The following MAP4 variants were observed in gnomAD, a reference collection of about 807,000 sequenced individuals.
MAP4 encodes microtubule-associated protein 4.
MAP4 carries 76 observed loss-of-function variants against 170.2 expected under a neutral mutation model. That is an observed-to-expected ratio of 0.45 (90% CI 0.37 to 0.54). The LOEUF is 0.54. MAP4 is among the 20% of genes least tolerant of loss of function. MAP4 has a pLI of 0.00. For missense variants in MAP4, 2,506 were observed against 2,748.0 expected (o/e 0.91, Z 1.97); for synonymous variants, 909 against 994.5 (o/e 0.91, Z 1.62).
intron 1 of MAP4, among the ~76,000 whole-genome samples, chr3:48,045,502 A>G (rs895744350): frequency 2.6e-5 from 4 of 152,088 alleles, no homozygotes; most frequent in Non-Finnish European, 5.9e-5. Flanking sequence ...TGAGAATCCA[A>G]TGCCTGATGA....
At position 47,927,855 on chromosome 3, in the gene MAP4, GT is replaced by G. The variant is rs369620120; in HGVS notation, c.415+372del. ...GGATACATATATTTGGCAGAGTTAG[GT>G]AAGAAATACCGATAATGTGTATATA... On this transcript the variant is annotated intron_variant, in intron 4 of 20. Transcript: ENST00000683076. Among the ~76,000 whole-genome samples the G allele has an allele frequency of 1.0e-3, 152 of 152,256 alleles. No homozygotes were observed. The South Asian group carries it at 0.029, about 29-fold the overall frequency.
intron 5 of MAP4, among the ~76,000 whole-genome samples, 197 bp downstream of exon 5, chr3:47,921,568 G>C (rs2100042884): frequency 6.6e-6 from 1 of 152,092 alleles, no homozygotes; most frequent in African/African-American, 2.4e-5. Flanking sequence ...ATATAAGGTG[G>C]AATTCTAAAG....
chr3:48,050,089 G>A lies in MAP4; in HGVS notation c.-20+38684C>T, dbSNP rs1393608733. On this transcript the variant is annotated intron_variant, in intron 1 of 18. Transcript: ENST00000360240. ...AGCCTGGCCAACATGGTGAAACCCC[G>A]TCTCTACTAAAAATACAAAAAGTAG... is the stretch of plus-strand genomic sequence containing the variant. Among the ~76,000 whole-genome samples, 17 of 150,762 alleles carry A rather than the reference G, an allele frequency of 1.1e-4. No homozygotes were observed. The East Asian group carries it at 1.6e-3, about 14-fold the overall frequency.
At chr3:48,014,294 C>T (rs1049164222) in intron 1 of MAP4, among the ~76,000 whole-genome samples, 2 of 152,172 alleles carry the variant, frequency 1.3e-5, no homozygotes, top group Admixed American at 6.5e-5. Flanking sequence ...AGGTCATTCG[C>T]ATCTAGAGCC....
At chr3:48,046,863 G>A (rs2100124825) in intron 1 of MAP4, among the ~76,000 whole-genome samples, 1 of 152,156 alleles carries the variant, frequency 6.6e-6, no homozygotes, top group Non-Finnish European at 1.5e-5. Context: ...GGGAGGCTGA[G>A]GCGGGTGGAT....
intron 1 of MAP4, among the ~76,000 whole-genome samples, chr3:48,059,881 G>A (rs2100134299): frequency 6.6e-6 from 1 of 151,856 alleles, no homozygotes; most frequent in Non-Finnish European, 1.5e-5. Context: ...TCAGGAGGCT[G>A]AGGCAGGAGA....
intron 1 of MAP4, among the ~76,000 whole-genome samples, chr3:48,079,979 T>C (rs2100145810): frequency 6.6e-6 from 1 of 152,014 alleles, no homozygotes; most frequent in African/African-American, 2.4e-5. Flanking sequence ...TAAATAAATT[T>C]GTTGTAACTT....
chr3:48,011,317 C>A (rs2100105123), intron 1 of MAP4, among the ~76,000 whole-genome samples: 1 of 152,036 alleles, frequency 6.6e-6, no homozygotes, highest in East Asian at 1.9e-4. Flanking sequence ...TCACTTGAAG[C>A]CAGGAGATTG....
At chr3:47,857,114 C>T (rs746610653) in intron 18 of MAP4, among the ~76,000 whole-genome samples, 43 of 152,222 alleles carry the variant, frequency 2.8e-4, no homozygotes, top group Admixed American at 1.7e-3. Flanking sequence ...CTGTAATCCT[C>T]GTTTAGAGCC....
intron 17 of MAP4, among the ~76,000 whole-genome samples, chr3:47,863,320 A>C (rs1022031074): frequency 6.6e-6 from 1 of 152,182 alleles, no homozygotes; most frequent in Non-Finnish European, 1.5e-5. Flanking sequence ...ACTCACTTTA[A>C]TAAAGTCCAC....
At chr3:48,051,128 T>A (rs959258055) in intron 1 of MAP4, among the ~76,000 whole-genome samples, 1 of 134,066 alleles carries the variant, frequency 7.5e-6, no homozygotes, top group Non-Finnish European at 1.6e-5. Flanking sequence ...ACACACACAC[T>A]TAGGCTGGCT....
At chr3:47,928,066 A>G (rs972285325) in intron 4 of MAP4, among the ~76,000 whole-genome samples, 162 bp downstream of exon 4, 1 of 152,230 alleles carries the variant, frequency 6.6e-6, no homozygotes, top group Non-Finnish European at 1.5e-5. Context: ...AAGTGTCTCA[A>G]AGGAAAGGAT....
chr3:47,888,692 C>G (rs1361219391), intron 10 of MAP4, among the ~76,000 whole-genome samples: 3 of 152,252 alleles, frequency 2.0e-5, no homozygotes, highest in South Asian at 4.1e-4. Context: ...ATTCCAGACA[C>G]AGTAGTAAGC....
At chr3:47,884,411 T>TA (rs2097251730) in intron 10 of MAP4, among the ~76,000 whole-genome samples, 1 of 152,234 alleles carries the variant, frequency 6.6e-6, no homozygotes, top group Non-Finnish European at 1.5e-5. Context: ...AATTGCTTGT[T>TA]AAAGCACTTT....
chr3:48,034,528 C>G (rs911135885), intron 1 of MAP4, among the ~76,000 whole-genome samples: 3 of 151,494 alleles, frequency 2.0e-5, no homozygotes, highest in African/African-American at 7.3e-5. Context: ...CATAGTGAAA[C>G]CCCGTCTCTA....
At chr3:47,889,316 C>T (rs2098187274) in intron 10 of MAP4, among the ~76,000 whole-genome samples, 1 of 152,230 alleles carries the variant, frequency 6.6e-6, no homozygotes, top group South Asian at 2.1e-4. Flanking sequence ...AGTTCCCTTG[C>T]CTGGAAGGCT....
chr3:48,030,313 G>A (rs2100115357), intron 1 of MAP4, among the ~76,000 whole-genome samples: 1 of 151,818 alleles, frequency 6.6e-6, no homozygotes, highest in South Asian at 2.1e-4. Flanking sequence ...GGACACCCCA[G>A]TAAAGCAACA....
intron 2 of MAP4, among the ~76,000 whole-genome samples, chr3:47,979,927 C>A (rs1301235003): frequency 6.6e-6 from 1 of 151,772 alleles, no homozygotes; most frequent in African/African-American, 2.4e-5. Context: ...CAGGCTCAAG[C>A]AATCCTCCCG....
intron 3 of MAP4, among the ~76,000 whole-genome samples, chr3:47,935,939 CA>C (rs74405606): frequency 0.026 from 1,540 of 59,284 alleles, 13 homozygotes; most frequent in African/African-American, 0.067. Context: ...ACTTAGTCTC[CA>C]AAAAAAAAAA....
Sources: gnomAD v4.1 joint callset for allele counts (sites outside exome capture counted in the v4.1 genomes callset) on GRCh38, gnomAD v4.1.1 for gene constraint, MANE v1.5 for transcripts, NCBI Gene and HGNC (gene_info 2026-07-23, HGNC 2026-07-21) for gene names.